FSTL5: variants seen among roughly 807,000 people sequenced by gnomAD.
FSTL5 encodes the protein follistatin like 5.
Under a neutral mutation model 89.1 loss-of-function variants are expected in FSTL5, and 62 were observed. The ratio of observed to expected loss-of-function variants is 0.70; its 90% confidence interval spans 0.57 to 0.86. The LOEUF is 0.86. Among genes scored for constraint, FSTL5 ranks in the 40% least tolerant of loss-of-function variants. FSTL5 has a pLI of 0.00. For missense variants in FSTL5, 1,057 were observed against 1,001.6 expected, an observed-to-expected ratio of 1.06 and a Z score of -0.75; for synonymous variants, 383 against 346.2, an observed-to-expected ratio of 1.11 and a Z score of -1.18.
intron 10 of FSTL5, among the ~76,000 whole-genome samples, chr4:161,527,991 T>C (rs1471893115): frequency 6.6e-6 from 1 of 150,984 alleles, no homozygotes; most frequent in African/African-American, 2.5e-5. Context: ...TCATGTCCTT[T>C]GTAGGGACAT....
At chr4:161,464,014 C>G (rs1435294758) in intron 13 of FSTL5, among the ~76,000 whole-genome samples, 1 of 152,008 alleles carries the variant, frequency 6.6e-6, no homozygotes, top group East Asian at 1.9e-4. Flanking sequence ...ATTCTTTAAG[C>G]ATCAGGCAAG....
chr4:161,893,659 G>A (rs2110763218), intron 4 of FSTL5, among the ~76,000 whole-genome samples: 1 of 152,076 alleles, frequency 6.6e-6, no homozygotes, highest in East Asian at 1.9e-4. Flanking sequence ...TTTGAACATT[G>A]GATATTTATT....
At chr4:161,517,933 A>G (rs1434817475) in intron 10 of FSTL5, among the ~76,000 whole-genome samples, 1 of 152,218 alleles carries the variant, frequency 6.6e-6, no homozygotes, top group East Asian at 1.9e-4. Context: ...ATGTGGATAA[A>G]GTGTAATCTG....
chr4:161,569,792 CA>C (rs1560958242), intron 8 of FSTL5, among the ~76,000 whole-genome samples: 2,829 of 140,560 alleles, frequency 0.02, 93 homozygotes, highest in African/African-American at 0.066. Context: ...CACACACACA[CA>C]CACACACCCC....
chr4:162,091,796 AATC>A (rs1730559940), intron 2 of FSTL5, among the ~76,000 whole-genome samples: 1 of 152,074 alleles, frequency 6.6e-6, no homozygotes, highest in South Asian at 2.1e-4. Context: ...AAAAAATTAT[AATC>A]AACACAAAGT....
chr4:161,401,427 G>C (rs1031102923), intron 15 of FSTL5, among the ~76,000 whole-genome samples: 4 of 152,130 alleles, frequency 2.6e-5, no homozygotes, highest in Non-Finnish European at 5.9e-5. Context: ...CTAAATCCAA[G>C]AATACTCAGA....
intron 8 of FSTL5, among the ~76,000 whole-genome samples, chr4:161,576,521 T>A (rs1368131602): frequency 6.6e-6 from 1 of 152,002 alleles, no homozygotes; most frequent in African/African-American, 2.4e-5. Flanking sequence ...ACACTACACA[T>A]CTGCAGCCAT....
At chr4:161,510,808 A>G (rs1730626046) in intron 10 of FSTL5, among the ~76,000 whole-genome samples, 2 of 151,706 alleles carry the variant, frequency 1.3e-5, no homozygotes, top group Admixed American at 6.6e-5. Context: ...AGAAAAAGTT[A>G]CACTCTTAAA....
rs1165792825 is a variant in FSTL5, at chr4:162,096,101, C to T, written c.126+15170G>A. ...ATTTCAACTTTAACTTCCAGTGATG[C>T]TTTTGTAGTAGTTTTATAAATTAAT... is the stretch of plus-strand genomic sequence containing the variant. On this transcript the variant is annotated intron_variant, in intron 2 of 15. Transcript: ENST00000306100. Among the ~76,000 whole-genome samples the T allele has an allele frequency of 4.0e-5, 6 of 151,796 alleles. No individual in the cohort carries two copies. In the East Asian group the frequency reaches 1.2e-3, roughly 29 times the overall value.
intron 4 of FSTL5, among the ~76,000 whole-genome samples, chr4:161,813,118 C>T (rs1255216207): frequency 6.6e-6 from 1 of 151,682 alleles, no homozygotes; most frequent in Non-Finnish European, 1.5e-5. Flanking sequence ...CCTCTGTCTC[C>T]TGGGTTCAAG....
At chr4:161,674,639 C>T (rs920290475) in intron 6 of FSTL5, among the ~76,000 whole-genome samples, 2 of 152,190 alleles carry the variant, frequency 1.3e-5, no homozygotes, top group African/African-American at 4.8e-5. Flanking sequence ...TGTCACACTG[C>T]AAAGTGTCTC....
chr4:162,001,224 C>A (rs1736453760), intron 3 of FSTL5, among the ~76,000 whole-genome samples: 1 of 152,108 alleles, frequency 6.6e-6, no homozygotes, highest in Admixed American at 6.6e-5. Context: ...TATCCCATTC[C>A]ATTTTTATGA....
chr4:161,792,922 T>C (rs1729524238), intron 4 of FSTL5, among the ~76,000 whole-genome samples: 1 of 152,150 alleles, frequency 6.6e-6, no homozygotes. Flanking sequence ...ACGTTGCTGG[T>C]GACAAGAAGG....
intron 7 of FSTL5, among the ~76,000 whole-genome samples, chr4:161,622,757 C>CA (rs1735189011): frequency 1.3e-5 from 2 of 151,966 alleles, no homozygotes; most frequent in Non-Finnish European, 2.9e-5. Flanking sequence ...AGAAAGCTGG[C>CA]AAAAAAGTTT....
intron 4 of FSTL5, among the ~76,000 whole-genome samples, chr4:161,908,930 A>G (rs1733614887): frequency 6.6e-6 from 1 of 152,098 alleles, no homozygotes; most frequent in African/African-American, 2.4e-5. Flanking sequence ...TAAATAAAAA[A>G]ATTTTGTATA....
At chr4:161,890,548 C>T (rs899970909) in intron 4 of FSTL5, among the ~76,000 whole-genome samples, 2 of 151,674 alleles carry the variant, frequency 1.3e-5, no homozygotes, top group Admixed American at 6.6e-5. Flanking sequence ...ATTAGCCAGT[C>T]GTGGTGGTGT....
At chr4:161,675,489 C>T (rs1406800301) in intron 6 of FSTL5, among the ~76,000 whole-genome samples, 2 of 151,268 alleles carry the variant, frequency 1.3e-5, no homozygotes, top group Non-Finnish European at 3.0e-5. Flanking sequence ...TGAGAACCTA[C>T]TGAGTTCAGA....
chr4:161,851,891 C>CCACACA (rs1390941869), intron 4 of FSTL5, among the ~76,000 whole-genome samples: 2 of 52,738 alleles, frequency 3.8e-5, no homozygotes, highest in African/African-American at 6.8e-5. Context: ...GATCTCATCC[C>CCACACA]TACACACACA....
At chr4:162,004,277 T>C (rs182044714) in intron 3 of FSTL5, among the ~76,000 whole-genome samples, 2 of 152,298 alleles carry the variant, frequency 1.3e-5, no homozygotes, top group East Asian at 1.9e-4. Context: ...TAGTCAAAAG[T>C]ATAATAGCTA....
Sources: gnomAD v4.1 joint callset for allele counts (sites outside exome capture counted in the v4.1 genomes callset) on GRCh38, gnomAD v4.1.1 for gene constraint, MANE v1.5 for transcripts, NCBI Gene and HGNC (gene_info 2026-07-23, HGNC 2026-07-21) for gene names.